Variants in TMEM200A observed in about 807,000 individuals in gnomAD.
The protein encoded by TMEM200A is transmembrane protein 200A.
In TMEM200A, 12 loss-of-function variants were observed where a neutral mutation model predicts 24.3. The observed-to-expected ratio is 0.49, with a 90% CI of 0.32 to 0.80. The LOEUF (loss-of-function observed/expected upper bound fraction) is 0.80. Ranked by LOEUF, TMEM200A falls within the 30% of genes least tolerant of loss-of-function variation. The pLI is 0.04. For synonymous variants in TMEM200A, 224 were observed against 224.4 expected (o/e 1.00, Z 0.02); for missense variants, 545 against 614.4 (o/e 0.89, Z 1.19).
At chr6:130,412,695 G>A (rs1312384003) in intron 2 of TMEM200A, among the ~76,000 whole-genome samples, 3 of 152,134 alleles carry the variant, frequency 2.0e-5, no homozygotes, top group Non-Finnish European at 4.4e-5. Context: ...CTGTGCTGTG[G>A]ATTCCTGCTG....
intron 2 of TMEM200A, among the ~76,000 whole-genome samples, chr6:130,409,155 T>C (rs954664311): frequency 6.6e-6 from 1 of 152,218 alleles, no homozygotes. Flanking sequence ...AGGTTTTCTC[T>C]ACCTTTTCCT....
chr6:130,404,920 T>A (rs1387624486), intron 2 of TMEM200A, among the ~76,000 whole-genome samples: 2 of 152,194 alleles, frequency 1.3e-5, no homozygotes, highest in African/African-American at 4.8e-5. Context: ...GAATAGGGAA[T>A]CCTTTCCCCA....
chr6:130,369,729 G>A (rs1232027172), intron 1 of TMEM200A, among the ~76,000 whole-genome samples: 1 of 152,170 alleles, frequency 6.6e-6, no homozygotes, highest in Non-Finnish European at 1.5e-5. Context: ...TTGATAGGAT[G>A]TGTTCTGCAA....
chr6:130,426,636 T>G (rs1220432720), intron 2 of TMEM200A, among the ~76,000 whole-genome samples: 1 of 152,094 alleles, frequency 6.6e-6, no homozygotes, highest in Non-Finnish European at 1.5e-5. Context: ...ACTGATGAGT[T>G]GGCATGAAGG....
intron 2 of TMEM200A, among the ~76,000 whole-genome samples, chr6:130,420,267 G>A (rs1225511865): frequency 3.3e-5 from 5 of 152,102 alleles, no homozygotes; most frequent in Admixed American, 2.6e-4. Flanking sequence ...AATAGGTTAT[G>A]TGCAGTAAAA....
chr6:130,410,904 C>A (rs1192061642), intron 2 of TMEM200A, among the ~76,000 whole-genome samples: 1 of 152,190 alleles, frequency 6.6e-6, no homozygotes, highest in East Asian at 1.9e-4. Flanking sequence ...TGCAGTGGCT[C>A]ACGCCTATAA....
At chr6:130,398,282 A>AT (rs1189268611) in intron 2 of TMEM200A, among the ~76,000 whole-genome samples, 1 of 152,026 alleles carries the variant, frequency 6.6e-6, no homozygotes, top group African/African-American at 2.4e-5. Flanking sequence ...CATCCATGTT[A>AT]TTGCAAAGGA....
chr6:130,439,058 T>C (rs968654092), intron 2 of TMEM200A: 6 of 152,208 alleles, frequency 3.9e-5, no homozygotes, highest in African/African-American at 1.2e-4. Context: ...GTTTTATTTT[T>C]ATGCAAATTA....
intron 2 of TMEM200A, among the ~76,000 whole-genome samples, chr6:130,435,699 G>A (rs976668908): frequency 8.5e-5 from 13 of 152,306 alleles, no homozygotes; most frequent in Non-Finnish European, 1.6e-4. Context: ...GCCAGGCTTA[G>A]GATCCAAAGA....
chr6:130,382,169 C>G (rs1289903832), intron 1 of TMEM200A, among the ~76,000 whole-genome samples: 1 of 152,166 alleles, frequency 6.6e-6, no homozygotes, highest in Non-Finnish European at 1.5e-5. Context: ...CCTTGCAGAG[C>G]TCCAGTTTAG....
intron 1 of TMEM200A, among the ~76,000 whole-genome samples, chr6:130,373,138 C>T (rs1397732683): frequency 2.0e-5 from 3 of 152,176 alleles, no homozygotes; most frequent in Non-Finnish European, 4.4e-5. Flanking sequence ...AATCTCAGTA[C>T]TGTCTCTAAG....
In TMEM200A at chr6:130,402,844, T is replaced by A. The variant is rs190520589; in HGVS notation, c.-17+17608T>A. Among the ~76,000 whole-genome samples, 461 of 152,214 alleles carry A rather than the reference T, an allele frequency of 3.0e-3. 1 individual carries two copies. The highest frequency in any genetic ancestry group is 4.9e-3 in the Non-Finnish European group (330 of 67,964). On this transcript the variant is annotated intron_variant, in intron 2 of 2. Transcript: ENST00000296978. ...GAAGTTTTATTTATAAATATCCCTATCCTCTATTAGAAATTATATCATGAA... is the reference window on the plus strand; with the variant it reads ...GAAGTTTTATTTATAAATATCCCTAACCTCTATTAGAAATTATATCATGAA...
chr6:130,430,029 AC>A (rs914911810), intron 2 of TMEM200A, among the ~76,000 whole-genome samples: 9 of 152,172 alleles, frequency 5.9e-5, no homozygotes, highest in African/African-American at 2.2e-4. Flanking sequence ...CTGGGTTTTT[AC>A]CATGAGCATG....
intron 1 of TMEM200A, among the ~76,000 whole-genome samples, chr6:130,383,654 G>A (rs2115094266): frequency 1.3e-5 from 2 of 152,180 alleles, no homozygotes; most frequent in South Asian, 4.1e-4. Context: ...ACAGGTGGTT[G>A]GCATCAAGGT....
At chr6:130,427,157 A>T (rs552702702) in intron 2 of TMEM200A, among the ~76,000 whole-genome samples, 2 of 152,330 alleles carry the variant, frequency 1.3e-5, no homozygotes, top group East Asian at 3.9e-4. Flanking sequence ...AGGCTTCAAC[A>T]TCCTTTTTTG....
At position 130,441,619 on chromosome 6, in the gene TMEM200A, C is replaced by G; in HGVS notation, c.1197C>G (p.Asp399Glu). ...HLLSSHSKSL[D>E]LDRGPSTLTV... Reference sequence around the variant, plus strand: ...TCTCGTCACACTCAAAGTCCTTGGACTTAGACCGGGGTCCCTCCACTCTAA... The same window carrying G: ...TCTCGTCACACTCAAAGTCCTTGGAGTTAGACCGGGGTCCCTCCACTCTAA... The change falls in exon 3 of 3, where the codon GAC becomes GAG. Residue 399 changes from aspartate (D) to glutamate (E), a missense_variant. Coordinates refer to ENST00000296978, the MANE Select transcript of TMEM200A (RefSeq NM_001258277.2). The G allele has an allele frequency of 6.2e-7, 1 of 1,614,090 alleles. No homozygotes were observed. Among genetic ancestry groups the G allele is most frequent in the Non-Finnish European group, 8.5e-7 (1 of 1,180,010 alleles).
chr6:130,375,117 C>T (rs1778419762), intron 1 of TMEM200A, among the ~76,000 whole-genome samples: 1 of 152,140 alleles, frequency 6.6e-6, no homozygotes, highest in Non-Finnish European at 1.5e-5. Flanking sequence ...GGATATTATT[C>T]TATTGTAATA....
intron 1 of TMEM200A, among the ~76,000 whole-genome samples, chr6:130,380,098 G>GTA (rs1778559316): frequency 6.6e-6 from 1 of 152,196 alleles, no homozygotes; most frequent in African/African-American, 2.4e-5. Context: ...CTCCAATGTA[G>GTA]TATAACCTTC....
chr6:130,410,324 CA>C, intron 2 of TMEM200A, among the ~76,000 whole-genome samples: 1 of 152,312 alleles, frequency 6.6e-6, no homozygotes, highest in Middle Eastern at 3.4e-3. Flanking sequence ...CAATGAAATT[CA>C]GATGGACTCA....
Sources: allele counts gnomAD v4.1 joint callset (sites outside exome capture counted in the v4.1 genomes callset), GRCh38; gene constraint gnomAD v4.1.1; transcripts MANE v1.5; gene names NCBI Gene and HGNC (gene_info 2026-07-23, HGNC 2026-07-21).